RELN: variants seen among roughly 807,000 people sequenced by gnomAD.
RELN encodes the protein reelin.
Under a neutral mutation model 427.6 loss-of-function variants are expected in RELN, and 108 were observed. That is an observed-to-expected ratio of 0.25 (90% confidence interval 0.22 to 0.30). The LOEUF (loss-of-function observed/expected upper bound fraction) is 0.30, where lower values mean the gene tolerates loss of function less well. Ranked by LOEUF, RELN falls within the 10% of genes least tolerant of loss-of-function variation. The pLI, the probability that RELN is intolerant of heterozygous loss-of-function variation, is 1.00. For missense variants in RELN, 3,715 were observed against 4,302.8 expected, an observed-to-expected ratio of 0.86 and a Z score of 3.82; for synonymous variants, 1,524 against 1,513.4, an observed-to-expected ratio of 1.01 and a Z score of -0.16.
intron 12 of RELN, among the ~76,000 whole-genome samples, chr7:103,656,955 A>G (rs1412643167): frequency 6.6e-6 from 1 of 152,088 alleles, no homozygotes; most frequent in African/African-American, 2.4e-5. Context: ...ATAGTCCCAA[A>G]GTAAAGCATG....
intron 1 of RELN, among the ~76,000 whole-genome samples, chr7:103,964,484 G>A (rs767756422): frequency 1.3e-5 from 2 of 152,102 alleles, no homozygotes; most frequent in African/African-American, 2.4e-5. Context: ...GTCACCTAGA[G>A]CAATAATATC....
Position 103,472,182 on chromosome 7 carries a change from G to A in RELN, c.*630C>T, listed in dbSNP as rs1382064905. 1 of 152,764 alleles carries A rather than the reference G, an allele frequency of 6.5e-6. No homozygotes were observed. Among genetic ancestry groups the A allele is most frequent in the Non-Finnish European group, 1.5e-5 (1 of 68,298 alleles). 9.5% of individuals were successfully genotyped at this position (152,764 alleles called of 1,614,324 possible). A position where few individuals can be genotyped will look rare whatever the true frequency, so the allele number is the denominator to read the frequency against. On this transcript the variant is annotated 3_prime_UTR_variant, in exon 65 of 65. Transcript: ENST00000428762. ...GCATTTTTCTTATCCACAAAACAAC[G>A]CTAAACCAACATACATTTTTAAGGA...
At position 103,819,929 on chromosome 7, in the gene RELN, A is replaced by C. The variant is rs146652083; in HGVS notation, c.473+13608T>G. 2.7e-3 allele frequency among the ~76,000 whole-genome samples: 410 copies of C among 152,044 alleles called. 2 individuals carry two copies. The highest frequency in any genetic ancestry group is 9.4e-3 in the African/African-American group (391 of 41,536). On this transcript the variant is annotated intron_variant, in intron 3 of 64. Coordinates refer to ENST00000428762, the MANE Select transcript of RELN (RefSeq NM_005045.4). Reference sequence around the variant, plus strand: ...GTCCAGAAATATTGCTTTAATTCTTAATATCCAAGATCTTTAAACAGAAAT... The same window carrying C: ...GTCCAGAAATATTGCTTTAATTCTTCATATCCAAGATCTTTAAACAGAAAT...
intron 2 of RELN, among the ~76,000 whole-genome samples, chr7:103,849,122 C>T (rs1283050921): frequency 1.3e-5 from 2 of 152,160 alleles, no homozygotes; most frequent in Non-Finnish European, 2.9e-5. Context: ...TTTTAACAGT[C>T]ACAGTTCCTG....
intron 2 of RELN, among the ~76,000 whole-genome samples, chr7:103,859,072 C>A (rs1020077392): frequency 6.6e-6 from 1 of 152,098 alleles, no homozygotes; most frequent in Non-Finnish European, 1.5e-5. Flanking sequence ...CACTTTAAAA[C>A]TGAAGTGGTA....
chr7:103,810,709 A>G (rs1792721218), intron 3 of RELN, among the ~76,000 whole-genome samples: 1 of 152,230 alleles, frequency 6.6e-6, no homozygotes, highest in Non-Finnish European at 1.5e-5. Context: ...AATGGATTAC[A>G]GTGCATGTGC....
In RELN at chr7:103,964,120, T is replaced by C. The variant is rs370100721; in HGVS notation, c.226+25011A>G. 7.2e-5 allele frequency among the ~76,000 whole-genome samples: 11 copies of C among 152,072 alleles called. No homozygotes were observed. The East Asian group carries it at 1.4e-3, about 19-fold the overall frequency. ...GCTGCAGTGAGCTATAACTGCGACATTGCACTCCAGCCTGGGTGATAGAGC... is the reference window on the plus strand; with the variant it reads ...GCTGCAGTGAGCTATAACTGCGACACTGCACTCCAGCCTGGGTGATAGAGC... On this transcript the variant is annotated intron_variant, in intron 1 of 64. Transcript: ENST00000428762.
chr7:103,691,842 AG>A (rs1404284623), intron 10 of RELN, among the ~76,000 whole-genome samples: 4 of 152,124 alleles, frequency 2.6e-5, no homozygotes, highest in Non-Finnish European at 4.4e-5. Context: ...TAAAATAAAA[AG>A]AAAAAATCAT....
At chr7:103,849,648 T>C (rs1171315089) in intron 2 of RELN, among the ~76,000 whole-genome samples, 1 of 152,184 alleles carries the variant, frequency 6.6e-6, no homozygotes, top group Non-Finnish European at 1.5e-5. Flanking sequence ...ATGTCTCTCT[T>C]TTTGCTACTA....
intron 60 of RELN, among the ~76,000 whole-genome samples, chr7:103,486,888 T>C (rs59647709): frequency 0.015 from 2,295 of 152,294 alleles, 67 homozygotes; most frequent in African/African-American, 0.053. Context: ...CCATTTGACC[T>C]GGCAATCCCA....
intron 1 of RELN, among the ~76,000 whole-genome samples, chr7:103,949,308 G>A (rs1211873036): frequency 6.6e-6 from 1 of 151,680 alleles, no homozygotes; most frequent in Non-Finnish European, 1.5e-5. Flanking sequence ...TGGACTAAAT[G>A]TTTGTGCCTC....
chr7:103,841,354 A>T (rs1488376408), intron 2 of RELN, among the ~76,000 whole-genome samples: 1 of 152,180 alleles, frequency 6.6e-6, no homozygotes, highest in African/African-American at 2.4e-5. Flanking sequence ...TGTCATACAA[A>T]CCTTGGGTAT....
At chr7:103,551,795 C>G (rs920525888) in intron 40 of RELN, among the ~76,000 whole-genome samples, 6 of 152,006 alleles carry the variant, frequency 3.9e-5, no homozygotes, top group Non-Finnish European at 8.8e-5. Flanking sequence ...TTCCCTGGCA[C>G]AGGGAAAGAT....
intron 2 of RELN, among the ~76,000 whole-genome samples, chr7:103,866,447 G>C (rs1420605997): frequency 6.6e-6 from 1 of 151,982 alleles, no homozygotes; most frequent in Admixed American, 6.6e-5. Flanking sequence ...TATAGCTTTG[G>C]TAACCCAATT....
chr7:103,612,767 G>A (rs1042975876), intron 20 of RELN, among the ~76,000 whole-genome samples: 3 of 152,068 alleles, frequency 2.0e-5, no homozygotes, highest in African/African-American at 7.2e-5. Flanking sequence ...TAAAATTCAC[G>A]TCACGGGTCC....
At chr7:103,773,457 C>G (rs1791656815) in intron 4 of RELN, among the ~76,000 whole-genome samples, 1 of 147,134 alleles carries the variant, frequency 6.8e-6, no homozygotes, top group Non-Finnish European at 1.5e-5. Context: ...CTCGCTCCCT[C>G]CCTCTCTCTC....
chr7:103,982,594 G>A (rs574883667), intron 1 of RELN, among the ~76,000 whole-genome samples: 7 of 152,044 alleles, frequency 4.6e-5, no homozygotes, highest in Non-Finnish European at 8.8e-5. Context: ...ACCATGGCAT[G>A]GAGTCAAAGG....
chr7:103,798,221 A>G (rs1584248410), intron 3 of RELN, among the ~76,000 whole-genome samples: 2 of 152,334 alleles, frequency 1.3e-5, no homozygotes, highest in East Asian at 3.9e-4. Flanking sequence ...TCTGATAGCA[A>G]TTTGAAAACA....
intron 28 of RELN, among the ~76,000 whole-genome samples, chr7:103,587,441 G>A (rs942855581): frequency 5.9e-5 from 9 of 152,092 alleles, no homozygotes; most frequent in Admixed American, 2.0e-4. Flanking sequence ...GAAAACCTAT[G>A]GAAAACTCTC....
Sources: gnomAD v4.1 joint callset for allele counts (sites outside exome capture counted in the v4.1 genomes callset) on GRCh38, gnomAD v4.1.1 for gene constraint, MANE v1.5 for transcripts, NCBI Gene and HGNC (gene_info 2026-07-23, HGNC 2026-07-21) for gene names.